The following MFNG variants were observed in gnomAD, a reference collection of about 807,000 sequenced individuals.
MFNG encodes MFNG O-fucosylpeptide 3-beta-N-acetylglucosaminyltransferase.
Under a neutral mutation model 34.2 loss-of-function variants are expected in MFNG, and 24 were observed. The ratio of observed to expected loss-of-function variants is 0.70; its 90% CI spans 0.51 to 0.99. MFNG has a LOEUF of 0.99. Among genes scored for constraint, MFNG ranks in the 50% least tolerant of loss-of-function variants. MFNG has a pLI of 0.00. For missense variants in MFNG, 383 were observed against 424.0 expected (o/e 0.90, Z 0.85); for synonymous variants, 158 against 179.2 (o/e 0.88, Z 0.94).
At chr22:37,471,681 A>G (rs1185750869) in intron 7 of MFNG, among the ~76,000 whole-genome samples, 3 of 152,016 alleles carry the variant, frequency 2.0e-5, no homozygotes, top group Non-Finnish European at 2.9e-5. Flanking sequence ...AAACACAAAA[A>G]TTAGCCAGGC....
chr22:37,476,181 C>T (rs987186397), intron 5 of MFNG, among the ~76,000 whole-genome samples: 1 of 152,010 alleles, frequency 6.6e-6, no homozygotes, highest in African/African-American at 2.4e-5. Context: ...GCTGATGGTG[C>T]TGTTAATAAT....
Position 37,469,638 on chromosome 22 carries a change from C to A in MFNG, c.*325G>T. On this transcript the variant is annotated 3_prime_UTR_variant, in exon 8 of 8. Coordinates refer to ENST00000356998, the MANE Select transcript of MFNG (RefSeq NM_002405.4). ...ACCCCACCCAGAGGCCATGTCACTGCCTAAAGGGTTAGGACCCCTGAGCCC... is the reference window on the plus strand; with the variant it reads ...ACCCCACCCAGAGGCCATGTCACTGACTAAAGGGTTAGGACCCCTGAGCCC... The A allele has an allele frequency of 4.7e-6, 2 of 421,200 alleles. No homozygotes were observed. Among genetic ancestry groups the A allele is most frequent in the South Asian group, 4.1e-5 (2 of 49,180 alleles). The allele number at this position is 421,200 out of a possible 1,614,324, so 26.1% of individuals were successfully genotyped here. A position where few individuals can be genotyped will look rare whatever the true frequency, so the allele number is the denominator to read the frequency against.
At chr22:37,470,648 G>A (rs578131469) in intron 7 of MFNG, among the ~76,000 whole-genome samples, 128 of 152,248 alleles carry the variant, frequency 8.4e-4, no homozygotes, top group African/African-American at 2.2e-3. Flanking sequence ...CTTGTTCAAC[G>A]CAGCCTTGGC....
chr22:37,469,760 C>A lies in MFNG; in HGVS notation c.*203G>T, dbSNP rs561885129. On this transcript the variant is annotated 3_prime_UTR_variant, in exon 8 of 8. Transcript: ENST00000356998. ...CTGGCCACCACCTGGTCCACCTGGT[C>A]CCCTGGGCTGTCTAACTCACCTCCC... 27 of 688,388 alleles carry A rather than the reference C, an allele frequency of 3.9e-5. No homozygotes were observed. Among genetic ancestry groups the A allele is most frequent in the African/African-American group, 3.7e-4 (21 of 56,692 alleles). 42.6% of individuals were successfully genotyped at this position (688,388 alleles called of 1,614,324 possible). A position where few individuals can be genotyped will look rare whatever the true frequency, so the allele number is the denominator to read the frequency against.
chr22:37,478,982 C>G (rs1359464515), intron 4 of MFNG, among the ~76,000 whole-genome samples: 3 of 152,060 alleles, frequency 2.0e-5, no homozygotes, highest in Non-Finnish European at 4.4e-5. Flanking sequence ...CCCAGCCATT[C>G]CAGCATTTTA....
intron 1 of MFNG, among the ~76,000 whole-genome samples, chr22:37,484,822 C>T (rs577322145): frequency 1.1e-4 from 16 of 152,312 alleles, no homozygotes; most frequent in Admixed American, 1.0e-3. Context: ...AGTACGAGGG[C>T]AGAAATCAGG....
intron 4 of MFNG, 136 bp from the exon 5 acceptor site, chr22:37,477,117 C>A: frequency 4.2e-6 from 3 of 710,126 alleles, no homozygotes; most frequent in Admixed American, 2.4e-5. Context: ...AGTCTTGCTA[C>A]AACCTGGCAT....
Position 37,485,975 on chromosome 22 carries a change from C to T in MFNG, c.203G>A (p.Arg68His), listed in dbSNP as rs139281430. 17 of 1,613,814 alleles carry T rather than the reference C, an allele frequency of 1.1e-5. No individual in the cohort carries two copies. The highest frequency in any genetic ancestry group is 9.3e-5 in the African/African-American group (7 of 74,932). The part of the protein sequence containing the change: ...IAVKTTRAFH[R>H]LRLELLLDTW... ...GTCAAGCAGCAGCTCCAGGCGCAAG[C>T]GGTGGAAAGCCCGGGTCGTCTTCAC... Residue 68 changes from arginine (R) to histidine (H), a missense_variant, in exon 1 of 8, where the codon CGC becomes CAC. Physicochemically the swap from Arg to His is conservative, Grantham distance 29. Transcript: ENST00000356998. The surrounding 1 kb of genome is among the most constrained non-coding windows in gnomAD (Gnocchi z 5.3).
rs201695392 is a variant in MFNG at position 37,486,040 on chromosome 22, C to T, written c.138G>A (p.Pro46=). 5.1e-5 allele frequency: 83 copies of T among 1,613,888 alleles called. No homozygotes were observed. Among genetic ancestry groups the T allele is most frequent in the East Asian group, 1.6e-4 (7 of 44,886 alleles). ...QGTPELSQPN[P]GPPKLQLHDV... is the part of the protein sequence containing the mutation. ...CGTGTAGCTGTAGCTTAGGGGGCCC[C>T]GGGTTCGGCTGGCTCAGCTCGGGGG... Residue 46 remains proline (P), a synonymous_variant, in exon 1 of 8, where the codon CCG becomes CCA. Transcript: ENST00000356998.
rs1922320366 is a variant in MFNG, at chr22:37,482,196, G to A, written c.256-1427C>T. On this transcript the variant is annotated intron_variant, in intron 1 of 7. Coordinates refer to ENST00000356998, the MANE Select transcript of MFNG (RefSeq NM_002405.4). This position sits in a 1 kb window ranked among gnomAD's most constrained non-coding sequence, Gnocchi z 4.1. ...CACTATCACCTCTCACTGGACTACT[G>A]CAAGACTCTGCCTCATTCCCTCAGA... Among the ~76,000 whole-genome samples the A allele has an allele frequency of 6.6e-6, 1 of 152,140 alleles. No homozygotes were observed. Among genetic ancestry groups the A allele is most frequent in the Non-Finnish European group, 1.5e-5 (1 of 68,006 alleles).
rs1479939714 is a variant in MFNG, at chr22:37,483,113, T to G, written c.256-2344A>C. On this transcript the variant is annotated intron_variant, in intron 1 of 7. Coordinates refer to ENST00000356998, the MANE Select transcript of MFNG (RefSeq NM_002405.4). This position sits in a 1 kb window ranked among gnomAD's most constrained non-coding sequence, Gnocchi z 4.5. Reference sequence around the variant, plus strand: ...GTTCTCCCCAAGACCTGCTCCTCCCTCTCACTGGTTGGGACCCAAAACCTC... The same window carrying G: ...GTTCTCCCCAAGACCTGCTCCTCCCGCTCACTGGTTGGGACCCAAAACCTC... 6.6e-6 allele frequency among the ~76,000 whole-genome samples: 1 copy of G among 152,060 alleles called. No individual in the cohort carries two copies. Among genetic ancestry groups the G allele is most frequent in the Non-Finnish European group, 1.5e-5 (1 of 67,976 alleles).
chr22:37,484,669 G>A (rs924520486), intron 1 of MFNG: 1 of 152,338 alleles, frequency 6.6e-6, no homozygotes, highest in Non-Finnish European at 1.5e-5. Context: ...CGGGTACACA[G>A]ACGCATAAAC....
At chr22:37,475,013 T>C (rs765506434) in intron 5 of MFNG, among the ~76,000 whole-genome samples, 3 of 152,160 alleles carry the variant, frequency 2.0e-5, no homozygotes, top group Non-Finnish European at 4.4e-5. Flanking sequence ...TGGTGCCAGA[T>C]ACCATGCTAG....
intron 7 of MFNG, 111 bp from the exon 8 acceptor site, chr22:37,470,140 C>T: frequency 1.4e-6 from 1 of 715,468 alleles, no homozygotes; most frequent in Non-Finnish European, 2.4e-6. Context: ...GTTTCTCTAC[C>T]TCAACACCAC....
In MFNG at chr22:37,472,536, G is replaced by A. The variant is rs758034787; in HGVS notation, c.814-8C>T. On this transcript the variant is annotated splice_region_variant and splice_polypyrimidine_tract_variant and intron_variant, in intron 6 of 7. Transcript: ENST00000356998. ...ACCGTAGCTGAGGGTGACCTGGGCA[G>A]GGAGATAGAAGAGTGTTGGGGCATC... The A allele has an allele frequency of 1.9e-6, 3 of 1,580,028 alleles. No homozygotes were observed. The highest frequency in any genetic ancestry group is 2.6e-6 in the Non-Finnish European group (3 of 1,165,742).
intron 1 of MFNG, chr22:37,480,993 T>C (rs956158061): frequency 8.8e-6 from 5 of 566,148 alleles, no homozygotes; most frequent in African/African-American, 7.6e-5. Context: ...TCTAAACACA[T>C]ACACTCACCC....
Position 37,485,176 on chromosome 22 carries a change from C to T in MFNG, c.255+747G>A, listed in dbSNP as rs1051297673. ...ACATCTAGCACACTCCAGCTCCGTG[C>T]GTGTGAGCACACACACACACACACA... On this transcript the variant is annotated intron_variant, in intron 1 of 7. Coordinates refer to ENST00000356998, the MANE Select transcript of MFNG (RefSeq NM_002405.4). The surrounding 1 kb of genome is among the most constrained non-coding windows in gnomAD (Gnocchi z 5.3). Among the ~76,000 whole-genome samples, 4 of 150,706 alleles carry T rather than the reference C, an allele frequency of 2.7e-5. No individual in the cohort carries two copies. The South Asian group carries it at 6.3e-4, about 24-fold the overall frequency.
chr22:37,472,819 C>T (rs1450500262), intron 6 of MFNG: 2 of 302,516 alleles, frequency 6.6e-6, no homozygotes, highest in Non-Finnish European at 1.2e-5. Flanking sequence ...CAGGAAAAGG[C>T]AGCTTTCCAG....
In MFNG at chr22:37,477,291, T is replaced by TCTCTA. The variant is rs985560936; in HGVS notation, c.562-315_562-311dup. The stretch of plus-strand genomic sequence containing the variant: ...CCATGCCCCTTTCCCCTGAGAAAGG[T>TCTCTA]CTCTACCTCACTCCATGTGGCTTGG... On this transcript the variant is annotated intron_variant, in intron 4 of 7. Transcript: ENST00000356998. Among the ~76,000 whole-genome samples, 11 of 152,216 alleles carry TCTCTA rather than the reference T, an allele frequency of 7.2e-5. 1 individual carries two copies. Among genetic ancestry groups the TCTCTA allele is most frequent in the Admixed American group, 2.6e-4 (4 of 15,286 alleles).
Sources: gnomAD v4.1 joint callset for allele counts (sites outside exome capture counted in the v4.1 genomes callset) on GRCh38, gnomAD v4.1.1 for gene constraint, Gnocchi (gnomAD v3.1) non-coding constraint, MANE v1.5 for transcripts, NCBI Gene and HGNC (gene_info 2026-07-23, HGNC 2026-07-21) for gene names.